The following NASP variants were observed in gnomAD, a reference collection of about 807,000 sequenced individuals.
The protein encoded by NASP is NASP histone chaperone.
NASP carries 24 observed loss-of-function variants against 89.5 expected under a neutral mutation model. The ratio of observed to expected loss-of-function variants is 0.27; its 90% CI spans 0.19 to 0.38. The LOEUF (loss-of-function observed/expected upper bound fraction) is 0.38. NASP is among the 10% of genes least tolerant of loss of function. The pLI is 1.00. For synonymous variants in NASP, 306 were observed against 324.7 expected (o/e 0.94, Z 0.62); for missense variants, 848 against 921.4 (o/e 0.92, Z 1.03).
At chr1:45,591,832 T>G (rs1268308450) in intron 2 of NASP, among the ~76,000 whole-genome samples, 1 of 152,172 alleles carries the variant, frequency 6.6e-6, no homozygotes, top group African/African-American at 2.4e-5. Flanking sequence ...TCTTGTTTCA[T>G]TTTTTAGAGA....
intron 12 of NASP, 63 bp downstream of exon 12, chr1:45,616,456 A>T (rs1644107137): frequency 1.9e-6 from 3 of 1,570,644 alleles, no homozygotes; most frequent in East Asian, 2.2e-5. Context: ...CATGCCTGTA[A>T]TCCCAGCATT....
At chr1:45,601,617 C>A (rs1363302984) in intron 2 of NASP, among the ~76,000 whole-genome samples, 3 of 151,644 alleles carry the variant, frequency 2.0e-5, no homozygotes, top group African/African-American at 7.3e-5. Flanking sequence ...TTTAATATTT[C>A]TTTTAGCTAG....
intron 13 of NASP, 81 bp from the exon 14 acceptor site, chr1:45,617,382 C>G: frequency 3.3e-6 from 5 of 1,498,066 alleles, no homozygotes; most frequent in Non-Finnish European, 4.5e-6. Flanking sequence ...CTTTGCACCA[C>G]AAGGGTTAAG....
At chr1:45,602,510 T>A in intron 3 of NASP, 145 bp downstream of exon 3, 1 of 768,894 alleles carries the variant, frequency 1.3e-6, no homozygotes, top group Non-Finnish European at 2.0e-6. Flanking sequence ...CCAGTAACTA[T>A]AAGTGTAAAA....
At chr1:45,603,667 T>G (rs981615963) in intron 3 of NASP, among the ~76,000 whole-genome samples, 1 of 147,778 alleles carries the variant, frequency 6.8e-6, no homozygotes. Flanking sequence ...TGGAGTGCGA[T>G]GGCGCGATGT....
chr1:45,603,539 C>T (rs944929076), intron 3 of NASP, among the ~76,000 whole-genome samples: 2 of 151,678 alleles, frequency 1.3e-5, no homozygotes, highest in African/African-American at 4.8e-5. Flanking sequence ...CCTCTTTGTT[C>T]CTCTCTGTTT....
chr1:45,586,855 C>T (rs1644558046), intron 1 of NASP, among the ~76,000 whole-genome samples: 1 of 151,910 alleles, frequency 6.6e-6, no homozygotes, highest in South Asian at 2.1e-4. Context: ...AGAAATAAAC[C>T]TCAGTTCAGG....
At position 45,607,711 on chromosome 1, in the gene NASP, T is replaced by C. The variant is rs766129169; in HGVS notation, c.800T>C (p.Ile267Thr). 6.8e-6 allele frequency: 11 copies of C among 1,613,906 alleles called. No individual in the cohort carries two copies. The highest frequency in any genetic ancestry group is 3.3e-5 in the Admixed American group (2 of 59,982). ...GGTCAGGAGAAGCAGGGAGAGGTAATTGTGAGCATAGAGGAGAAGCCAAAA... is the reference window on the plus strand; with the variant it reads ...GGTCAGGAGAAGCAGGGAGAGGTAACTGTGAGCATAGAGGAGAAGCCAAAA... The part of the protein sequence containing the change: ...KGGQEKQGEV[I>T]VSIEEKPKEV... Residue 267 changes from isoleucine (I) to threonine (T), a missense_variant, in exon 6 of 15, where the codon ATT becomes ACT. Physicochemically the swap from Ile to Thr is moderately conservative, Grantham distance 89. This residue lies in a region of NASP where 464 missense variants were observed against 469.4 expected (regional missense o/e 0.99). Coordinates refer to ENST00000350030, the MANE Select transcript of NASP (RefSeq NM_002482.4).
At chr1:45,600,254 C>T (rs1454742937) in intron 2 of NASP, 1 of 432,570 alleles carries the variant, frequency 2.3e-6, no homozygotes, top group African/African-American at 2.2e-5. Flanking sequence ...CTGCACATAA[C>T]TTTAAAGTAA....
At chr1:45,616,853 GT>G in intron 13 of NASP, 150 bp downstream of exon 13, 1 of 773,686 alleles carries the variant, frequency 1.3e-6, no homozygotes, top group Non-Finnish European at 2.1e-6. Context: ...GTTGTGTTTT[GT>G]TTTGTTTTGA....
rs758615611 is a variant in NASP at position 45,608,220 on chromosome 1, G to T, written c.1309G>T (p.Asp437Tyr). 1 of 1,614,196 alleles carries T rather than the reference G, an allele frequency of 6.2e-7. No individual in the cohort carries two copies. Among genetic ancestry groups the T allele is most frequent in the African/African-American group, 1.3e-5 (1 of 75,044 alleles). ...LSVEESEAAG[D>Y]GVDTKVAQGA... is the part of the protein sequence containing the mutation. ...TGTAGAAGAGTCTGAGGCAGCTGGAGATGGGGTTGATACCAAGGTAGCCCA... is the reference window on the plus strand; with the variant it reads ...TGTAGAAGAGTCTGAGGCAGCTGGATATGGGGTTGATACCAAGGTAGCCCA... Residue 437 changes from aspartate to tyrosine, a missense_variant, in exon 6 of 15, where the codon GAT becomes TAT. Coordinates refer to ENST00000350030, the MANE Select transcript of NASP (RefSeq NM_002482.4).
chr1:45,605,108 C>A, intron 4 of NASP, 92 bp downstream of exon 4: 1 of 998,012 alleles, frequency 1.0e-6, no homozygotes, highest in Non-Finnish European at 1.6e-6. Flanking sequence ...ATTGGTTTTA[C>A]CTAGAGAGTT....
chr1:45,594,168 A>AT (rs1004261807), intron 2 of NASP, among the ~76,000 whole-genome samples: 3 of 151,610 alleles, frequency 2.0e-5, no homozygotes, highest in Non-Finnish European at 2.9e-5. Flanking sequence ...TCTACTAAAA[A>AT]AGATACAAAA....
chr1:45,613,500 A>G (rs1485935404), intron 7 of NASP, among the ~76,000 whole-genome samples: 1 of 152,158 alleles, frequency 6.6e-6, no homozygotes, highest in African/African-American at 2.4e-5. Flanking sequence ...TATTTTTTTA[A>G]GAGATAGAAT....
At chr1:45,596,288 G>A (rs1643692645) in intron 2 of NASP, among the ~76,000 whole-genome samples, 5 of 152,166 alleles carry the variant, frequency 3.3e-5, no homozygotes, top group Admixed American at 2.6e-4. Context: ...TAAGTCAGTA[G>A]TGTTAAGTAA....
At position 45,607,550 on chromosome 1, in the gene NASP, A is replaced by G. The variant is rs753880106; in HGVS notation, c.639A>G (p.Ala213=). The change falls in exon 6 of 15, where the codon GCA becomes GCG. Residue 213 remains alanine (A), a synonymous_variant. Transcript: ENST00000350030. ...GGTTAACTGAAACCTCTGAAGAGGCAAAAGGAGGAGCAGCACCAGAAGGAC... is the reference window on the plus strand; with the variant it reads ...GGTTAACTGAAACCTCTGAAGAGGCGAAAGGAGGAGCAGCACCAGAAGGAC... ...LDWLTETSEE[A]KGGAAPEGPN... 20 of 1,613,922 alleles carry G rather than the reference A, an allele frequency of 1.2e-5. No homozygotes were observed. The highest frequency in any genetic ancestry group is 1.4e-5 in the Non-Finnish European group (17 of 1,179,940).
At chr1:45,602,501 C>G in intron 3 of NASP, 136 bp downstream of exon 3, 1 of 818,886 alleles carries the variant, frequency 1.2e-6, no homozygotes, top group Non-Finnish European at 1.8e-6. Context: ...TGGTTTGTAC[C>G]AGTAACTATA....
chr1:45,615,351 A>T lies in NASP; in HGVS notation c.1902A>T (p.Glu634Asp). The change falls in exon 11 of 15, where the codon GAA becomes GAT. Residue 634 changes from glutamate (E) to aspartate (D), a missense_variant. Physicochemically the swap from Glu to Asp is conservative, Grantham distance 45. Coordinates refer to ENST00000350030, the MANE Select transcript of NASP (RefSeq NM_002482.4). ...QVKEAEGSSA[E>D]YKKEIEELKE... is the part of the protein sequence containing the mutation. ...AGGAGGCTGAAGGATCGTCTGCTGA[A>T]TACAAGAAAGAAATTGAGGAACTAA... 1.9e-6 allele frequency: 3 copies of T among 1,614,254 alleles called. No individual in the cohort carries two copies. Among genetic ancestry groups the T allele is most frequent in the Non-Finnish European group, 2.5e-6 (3 of 1,180,042 alleles).
At chr1:45,598,428 C>G (rs1643752927) in intron 2 of NASP, among the ~76,000 whole-genome samples, 1 of 152,158 alleles carries the variant, frequency 6.6e-6, no homozygotes, top group Admixed American at 6.6e-5. Context: ...TTTCTTGTCT[C>G]TTTTCCTTCA....
Sources: gnomAD v4.1 joint callset for allele counts (sites outside exome capture counted in the v4.1 genomes callset) on GRCh38, gnomAD v4.1.1 for gene constraint, gnomAD v4.1.1 regional missense constraint, MANE v1.5 for transcripts, NCBI Gene and HGNC (gene_info 2026-07-23, HGNC 2026-07-21) for gene names.